VWA5B1: variants seen among roughly 807,000 people sequenced by gnomAD.
VWA5B1 encodes von Willebrand factor A domain-containing protein 5B1.
VWA5B1 carries 115 observed loss-of-function variants against 118.2 expected under a neutral mutation model. The ratio of observed to expected loss-of-function variants is 0.97; its 90% CI spans 0.84 to 1.14. VWA5B1 has a LOEUF of 1.14. VWA5B1 is among the 50% of genes most tolerant of loss of function. The probability of loss-of-function intolerance (pLI) is 0.00; values close to 1 mark genes in which losing one functional copy is unlikely to be tolerated. For missense variants in VWA5B1, 1,596 were observed against 1,603.8 expected (o/e 1.00, Z 0.08); for synonymous variants, 682 against 658.4 (o/e 1.04, Z -0.55).
intron 14 of VWA5B1, among the ~76,000 whole-genome samples, chr1:20,340,586 C>A (rs1450156487): frequency 6.6e-6 from 1 of 152,224 alleles, no homozygotes; most frequent in Admixed American, 6.5e-5. Flanking sequence ...AAAACTGTTA[C>A]ACCTGGTAAG....
At chr1:20,338,139 G>T (rs926322374) in intron 14 of VWA5B1, 1 of 530,344 alleles carries the variant, frequency 1.9e-6, no homozygotes, top group Non-Finnish European at 3.6e-6. Flanking sequence ...GAGTTTAGGG[G>T]CCCACCTTGG....
intron 8 of VWA5B1, among the ~76,000 whole-genome samples, chr1:20,325,664 C>A (rs1454634429): frequency 1.3e-5 from 2 of 152,252 alleles, no homozygotes; most frequent in Non-Finnish European, 2.9e-5. Context: ...TCCTTTCAGT[C>A]CTCTTTCTCC....
rs969156926 is a variant in VWA5B1 at position 20,336,421 on chromosome 1, C to T, written c.1877C>T (p.Ala626Val). ...GGAGACTGTGCCAAGAACTCGGGGG[C>T]ACCCTTCATCCTAGGGCAGGCCAAA... ...EGGDCAKNSG[A>V]PFILGQAKNA... The change falls in exon 13 of 22, where the codon GCA becomes GTA. Residue 626 changes from alanine (A) to valine (V), a missense_variant. Ala to Val is a moderately conservative substitution (Grantham distance 64). Coordinates refer to ENST00000289815, the MANE Select transcript of VWA5B1 (RefSeq NM_001039500.3). 5 of 1,520,166 alleles carry T rather than the reference C, an allele frequency of 3.3e-6. No individual in the cohort carries two copies. Among genetic ancestry groups the T allele is most frequent in the South Asian group, 1.3e-5 (1 of 76,600 alleles). 94.2% of individuals were successfully genotyped at this position (1,520,166 alleles called of 1,614,324 possible).
At chr1:20,348,039 A>C (rs961094813) in intron 17 of VWA5B1, among the ~76,000 whole-genome samples, 2 of 152,084 alleles carry the variant, frequency 1.3e-5, no homozygotes, top group Admixed American at 6.5e-5. Flanking sequence ...TGGGGTCCGC[A>C]CCCATCCAAC....
intron 8 of VWA5B1, among the ~76,000 whole-genome samples, chr1:20,324,238 G>A (rs1468026906): frequency 6.6e-6 from 1 of 152,226 alleles, no homozygotes; most frequent in Non-Finnish European, 1.5e-5. Flanking sequence ...ACAGTCAAGA[G>A]AGAGGCACAG....
At chr1:20,303,644 C>A (rs553589079) in intron 1 of VWA5B1, among the ~76,000 whole-genome samples, 39 of 152,314 alleles carry the variant, frequency 2.6e-4, no homozygotes, top group South Asian at 2.5e-3. Flanking sequence ...GGGACACTAA[C>A]CTCAGGCAGT....
chr1:20,295,722 C>A (rs1372433479), intron 1 of VWA5B1, among the ~76,000 whole-genome samples: 1 of 152,124 alleles, frequency 6.6e-6, no homozygotes, highest in African/African-American at 2.4e-5. Context: ...CCCAACCCAG[C>A]CTAGAATGTG....
In VWA5B1 at chr1:20,314,335, A is replaced by G. The variant is rs772909826; in HGVS notation, c.306A>G (p.Gln102=). Residue 102 remains glutamine, a synonymous_variant, in exon 4 of 22, where the codon CAA becomes CAG. Coordinates refer to ENST00000289815, the MANE Select transcript of VWA5B1 (RefSeq NM_001039500.3). ...RSPTVTGNIL[Q]DGVSIAPHSC... ...CCTGGCACTTAGGGAACATTCTGCA[A>G]GACGGGGTTTCCATAGCCCCTCATT... The G allele has an allele frequency of 1.3e-6, 2 of 1,551,886 alleles. No homozygotes were observed. The highest frequency in any genetic ancestry group is 2.4e-5 in the East Asian group (1 of 40,916).
At chr1:20,325,162 A>G (rs1295096934) in intron 8 of VWA5B1, among the ~76,000 whole-genome samples, 2 of 152,216 alleles carry the variant, frequency 1.3e-5, no homozygotes, top group African/African-American at 2.4e-5. Context: ...TGGGCCTTCT[A>G]TGTCTTGCTT....
chr1:20,291,895 C>T (rs192521869), intron 1 of VWA5B1, among the ~76,000 whole-genome samples: 3 of 152,314 alleles, frequency 2.0e-5, no homozygotes, highest in Admixed American at 1.3e-4. Flanking sequence ...TCCACCATAA[C>T]GTCTGCGGCA....
chr1:20,350,557 C>G (rs2090108027), intron 19 of VWA5B1, among the ~76,000 whole-genome samples: 1 of 152,154 alleles, frequency 6.6e-6, no homozygotes, highest in South Asian at 2.1e-4. Context: ...ACTCAGTGTC[C>G]CCATTTAGGA....
chr1:20,306,487 A>T (rs1053685190), intron 1 of VWA5B1, among the ~76,000 whole-genome samples: 2 of 152,164 alleles, frequency 1.3e-5, no homozygotes, highest in South Asian at 4.1e-4. Context: ...TGACAAGAAG[A>T]GGCCAGATCA....
chr1:20,305,928 TG>T (rs1457207513), intron 1 of VWA5B1, among the ~76,000 whole-genome samples: 2 of 152,048 alleles, frequency 1.3e-5, no homozygotes, highest in Non-Finnish European at 2.9e-5. Context: ...AGCCTGGCAT[TG>T]TGATGACATA....
intron 1 of VWA5B1, among the ~76,000 whole-genome samples, chr1:20,291,899 T>G (rs2088313897): frequency 1.3e-5 from 2 of 152,172 alleles, no homozygotes. Context: ...CCATAACGTC[T>G]GCGGCAGCCC....
At position 20,331,155 on chromosome 1, in the gene VWA5B1, C is replaced by T. The variant is rs75022722; in HGVS notation, c.1572+172C>T. Among the ~76,000 whole-genome samples, 421 of 152,336 alleles carry T rather than the reference C, an allele frequency of 2.8e-3. 3 individuals are homozygous for T. The highest frequency in any genetic ancestry group is 4.4e-3 in the Non-Finnish European group (296 of 68,030). On this transcript the variant is annotated intron_variant, in intron 11 of 21. Transcript: ENST00000289815. ...GACTTGCAAGCCACAGAGCAGGCAA[C>T]TCTTGAAGCAATGCCAGGACGCTAG...
intron 1 of VWA5B1, among the ~76,000 whole-genome samples, chr1:20,305,280 C>G (rs2088615838): frequency 6.6e-6 from 1 of 152,064 alleles, no homozygotes; most frequent in Non-Finnish European, 1.5e-5. Flanking sequence ...AGTGGAAATG[C>G]AGGCTGAGCT....
In VWA5B1 at chr1:20,323,419, T is replaced by A; in HGVS notation, c.1030T>A (p.Phe344Ile). 6.5e-7 allele frequency: 1 copy of A among 1,535,056 alleles called. No homozygotes were observed. The highest frequency in any genetic ancestry group is 8.8e-7 in the Non-Finnish European group (1 of 1,139,920). ...CCACCACTCCGTCATCATGCTCAAC[T>A]TCTGTCCCGACCTCCAGTCAGTCCA... ...IPHHSVIMLN[F>I]CPDLQSVQPC... The change falls in exon 8 of 22, where the codon TTC becomes ATC. Residue 344 changes from phenylalanine (F) to isoleucine (I), a missense_variant. Coordinates refer to ENST00000289815, the MANE Select transcript of VWA5B1 (RefSeq NM_001039500.3).
At chr1:20,342,646 A>G (rs2089907086) in intron 15 of VWA5B1, 37 bp downstream of exon 15, 1 of 1,443,016 alleles carries the variant, frequency 6.9e-7, no homozygotes, top group Non-Finnish European at 9.1e-7. Flanking sequence ...AACTGGGGAC[A>G]GGGAGGAATC....
rs1364446338 is a variant in VWA5B1 at position 20,310,679 on chromosome 1, T to C, written c.78T>C (p.Gly26=). The C allele has an allele frequency of 6.4e-7, 1 of 1,551,082 alleles. No individual in the cohort carries two copies. The highest frequency in any genetic ancestry group is 2.0e-5 in the Admixed American group (1 of 50,862). ...CTGATGTTACCTCCTGTGTCAGCGG[T>C]TATGCCCTGGGCCTAACTGCCTCCC... ...TASDVTSCVS[G]YALGLTASLT... is the part of the protein sequence containing the mutation. The change falls in exon 2 of 22, where the codon GGT becomes GGC. Residue 26 remains glycine, a synonymous_variant. Transcript: ENST00000289815.
Sources: gnomAD v4.1 joint callset for allele counts (sites outside exome capture counted in the v4.1 genomes callset) on GRCh38, gnomAD v4.1.1 for gene constraint, MANE v1.5 for transcripts, NCBI Gene and HGNC (gene_info 2026-07-23, HGNC 2026-07-21) for gene names.